Variants in MTSS2 observed in about 807,000 individuals in gnomAD.
The protein encoded by MTSS2 is MTSS I-BAR domain containing 2, also known as protein MTSS 2.
Under a neutral mutation model 67.1 loss-of-function variants are expected in MTSS2, and 27 were observed. That is an observed-to-expected ratio of 0.40 (90% CI 0.30 to 0.55). The LOEUF is 0.55. Ranked by LOEUF, MTSS2 falls within the 20% of genes least tolerant of loss-of-function variation. The probability of loss-of-function intolerance (pLI) is 0.43; values close to 1 mark genes in which losing one functional copy is unlikely to be tolerated. For synonymous variants in MTSS2, 624 were observed against 468.6 expected, an observed-to-expected ratio of 1.33 and a Z score of -4.28; for missense variants, 1,171 against 1,067.8, an observed-to-expected ratio of 1.10 and a Z score of -1.35.
chr16:70,670,161 C>T (rs927102531), intron 11 of MTSS2, among the ~76,000 whole-genome samples: 7 of 152,182 alleles, frequency 4.6e-5, no homozygotes, highest in African/African-American at 1.7e-4. Flanking sequence ...ATCCCAGCTA[C>T]TCGGGAGTCT....
chr16:70,670,404 G>A (rs551660672), intron 11 of MTSS2, among the ~76,000 whole-genome samples: 3 of 152,294 alleles, frequency 2.0e-5, no homozygotes, highest in Non-Finnish European at 2.9e-5. Context: ...CCATGACTTT[G>A]CAATTCTGCT....
In MTSS2 at chr16:70,680,071, C is replaced by A. The variant is rs766731314; in HGVS notation, c.206-16G>T. 1 of 1,492,210 alleles carries A rather than the reference C, an allele frequency of 6.7e-7. No homozygotes were observed. The highest frequency in any genetic ancestry group is 2.8e-5 in the East Asian group (1 of 36,308). 92.4% of individuals were successfully genotyped at this position (1,492,210 alleles called of 1,614,324 possible). A position where few individuals can be genotyped will look rare whatever the true frequency, so the allele number is the denominator to read the frequency against. ...CTCGTGGCCCCTGGCGAGGCAAGCG[C>A]GGGGTGGGAAGGGGCCCGCTGGGGC... On this transcript the variant is annotated splice_polypyrimidine_tract_variant and intron_variant, in intron 3 of 14. Transcript: ENST00000338779.
rs149072530 is a variant in MTSS2 at position 70,672,800 on chromosome 16, G to C, written c.1053+1506C>G. 5.3e-3 allele frequency among the ~76,000 whole-genome samples: 814 copies of C among 152,176 alleles called. 4 individuals are homozygous for C. The highest frequency in any genetic ancestry group is 9.3e-3 in the Non-Finnish European group (634 of 68,016). ...CTCAGAGATGCCTAAGATAGAAAGAGAGGGCTGGACATGCATCCAACTGGA... is the reference window on the plus strand; with the variant it reads ...CTCAGAGATGCCTAAGATAGAAAGACAGGGCTGGACATGCATCCAACTGGA... On this transcript the variant is annotated intron_variant, in intron 11 of 14. Transcript: ENST00000338779.
chr16:70,668,374 C>T (rs1157525248), intron 11 of MTSS2, among the ~76,000 whole-genome samples: 1 of 151,456 alleles, frequency 6.6e-6, no homozygotes, highest in African/African-American at 2.4e-5. Context: ...TACCTCTGCA[C>T]TCCAGCCTGG....
intron 1 of MTSS2, among the ~76,000 whole-genome samples, chr16:70,681,491 G>A (rs1597828278): frequency 1.3e-5 from 2 of 152,246 alleles, no homozygotes; most frequent in Non-Finnish European, 2.9e-5. Flanking sequence ...GGGTGGCAGG[G>A]CTGAAGGCAC....
chr16:70,677,761 G>C (rs1567501765), intron 9 of MTSS2, 31 bp downstream of exon 9: 1 of 1,549,938 alleles, frequency 6.5e-7, no homozygotes, highest in Non-Finnish European at 8.8e-7. Flanking sequence ...CCTGCCCCTG[G>C]CCCTGGCCCT....
chr16:70,668,047 C>T (rs1331456086), intron 11 of MTSS2, among the ~76,000 whole-genome samples: 5 of 149,734 alleles, frequency 3.3e-5, no homozygotes, highest in South Asian at 2.1e-4. Flanking sequence ...TGGAAAGGGC[C>T]GAAAATAGAC....
chr16:70,676,881 C>T lies in MTSS2; in HGVS notation c.830G>A (p.Ser277Asn). The part of the protein sequence containing the change: ...SSSSRKSSMC[S>N]APSSSSSAKG... ...CCCTGGGAACCCCACCCCCACTGAC[C>T]TGCACATGCTGGACTTCCGGGAGCT... The change falls in exon 10 of 15, where the codon AGT becomes AAT. Residue 277 changes from serine to asparagine, a missense_variant and splice_region_variant. Physicochemically the swap from Ser to Asn is conservative, Grantham distance 46. Coordinates refer to ENST00000338779, the MANE Select transcript of MTSS2 (RefSeq NM_138383.3). 1 of 1,612,812 alleles carries T rather than the reference C, an allele frequency of 6.2e-7. No individual in the cohort carries two copies. The highest frequency in any genetic ancestry group is 8.5e-7 in the Non-Finnish European group (1 of 1,179,920).
chr16:70,671,098 C>T (rs1399789102), intron 11 of MTSS2, among the ~76,000 whole-genome samples: 2 of 151,392 alleles, frequency 1.3e-5, no homozygotes, highest in East Asian at 1.9e-4. Context: ...TTCTTGTTCT[C>T]GGTGTGTTTA....
intron 7 of MTSS2, among the ~76,000 whole-genome samples, chr16:70,678,796 A>C (rs374921660): frequency 1.3e-5 from 2 of 152,272 alleles, no homozygotes; most frequent in African/African-American, 4.8e-5. Flanking sequence ...GAAGCGGGAC[A>C]AGAGAGAGTG....
Position 70,661,527 on chromosome 16 carries a change from A to G in MTSS2, c.*2150T>C, listed in dbSNP as rs1597788637. 2 of 347,220 alleles carry G rather than the reference A, an allele frequency of 5.8e-6. No homozygotes were observed. Among genetic ancestry groups the G allele is most frequent in the South Asian group, 2.2e-5 (1 of 46,158 alleles). The allele number at this position is 347,220 out of a possible 1,614,324, so 21.5% of individuals were successfully genotyped here. A position where few individuals can be genotyped will look rare whatever the true frequency, so the allele number is the denominator to read the frequency against. ...AAAGAATATTTCTCCGTACAAAATG[A>G]GAAATTAAACGAACGTAAAGTCCCC... On this transcript the variant is annotated 3_prime_UTR_variant, in exon 15 of 15. Coordinates refer to ENST00000338779, the MANE Select transcript of MTSS2 (RefSeq NM_138383.3).
chr16:70,685,716 C>G lies in MTSS2; in HGVS notation c.69+7G>C. 7.5e-7 allele frequency: 1 copy of G among 1,330,894 alleles called. No homozygotes were observed. The highest frequency in any genetic ancestry group is 9.8e-7 in the Non-Finnish European group (1 of 1,019,986). 82.4% of individuals were successfully genotyped at this position (1,330,894 alleles called of 1,614,324 possible). On this transcript the variant is annotated splice_region_variant and intron_variant, in intron 1 of 14. Transcript: ENST00000338779. ...CCGCGCGCCCGGCCCCGCCGCGCCC[C>G]GGTTACCTTCATGTCGTTGACTATG...
chr16:70,674,202 CTATAGTAG>C, intron 11 of MTSS2, 96 bp downstream of exon 11: 1 of 174,590 alleles, frequency 5.7e-6, no homozygotes, highest in Non-Finnish European at 9.6e-6. Context: ...GTCTCAACAG[CTATAGTAG>C]TCTCAACAGC....
At chr16:70,679,550 G>C in intron 6 of MTSS2, 80 bp downstream of exon 6, 1 of 1,449,924 alleles carries the variant, frequency 6.9e-7, no homozygotes, top group Non-Finnish European at 9.3e-7. Context: ...TGGGATGAAG[G>C]CTTTGGGGCG....
At chr16:70,675,560 A>G (rs1467551660) in intron 10 of MTSS2, among the ~76,000 whole-genome samples, 1 of 152,176 alleles carries the variant, frequency 6.6e-6, no homozygotes, top group Non-Finnish European at 1.5e-5. Flanking sequence ...GACTACAGGC[A>G]CACACCACCA....
chr16:70,681,954 C>T (rs566875597), intron 1 of MTSS2, among the ~76,000 whole-genome samples: 88 of 152,314 alleles, frequency 5.8e-4, no homozygotes, highest in African/African-American at 1.9e-3. Context: ...GGCTTCTGAC[C>T]CTCCCTTCCA....
intron 9 of MTSS2, among the ~76,000 whole-genome samples, chr16:70,677,401 G>C (rs2053153353): frequency 6.6e-6 from 1 of 152,160 alleles, no homozygotes; most frequent in South Asian, 2.1e-4. Flanking sequence ...TGAGTGCAGT[G>C]GCAGCAGGGC....
At position 70,665,526 on chromosome 16, in the gene MTSS2, A is replaced by G; in HGVS notation, c.1068T>C (p.Ser356=). ...SDITSQKSSS[S]ASSEASETCQ... Reference sequence around the variant, plus strand: ...AGGTTTCCGAGGCCTCGGAAGATGCAGAGCTGGAGGACTTCTGCCATGCAG... The same window carrying G: ...AGGTTTCCGAGGCCTCGGAAGATGCGGAGCTGGAGGACTTCTGCCATGCAG... The change falls in exon 12 of 15, where the codon TCT becomes TCC. Residue 356 remains serine (S), a synonymous_variant. Coordinates refer to ENST00000338779, the MANE Select transcript of MTSS2 (RefSeq NM_138383.3). The G allele has an allele frequency of 1.3e-6, 2 of 1,548,482 alleles. No individual in the cohort carries two copies. Among genetic ancestry groups the G allele is most frequent in the Non-Finnish European group, 1.7e-6 (2 of 1,147,290 alleles).
At chr16:70,664,497 C>T (rs1026727429) in intron 14 of MTSS2, 48 bp from the exon 15 acceptor site, 2 of 1,546,078 alleles carry the variant, frequency 1.3e-6, no homozygotes, top group Non-Finnish European at 1.7e-6. Context: ...TGGCCCCTTG[C>T]CCCCAGCCCA....
Sources: gnomAD v4.1 joint callset for allele counts (sites outside exome capture counted in the v4.1 genomes callset) on GRCh38, gnomAD v4.1.1 for gene constraint, MANE v1.5 for transcripts, NCBI Gene and HGNC (gene_info 2026-07-23, HGNC 2026-07-21) for gene names.